The following ADD2 variants were observed in gnomAD, a reference collection of about 807,000 sequenced individuals.
The protein encoded by ADD2 is adducin 2, also known as beta-adducin.
Under a neutral mutation model 83.0 loss-of-function variants are expected in ADD2, and 23 were observed. That is an observed-to-expected ratio of 0.28 (90% CI 0.20 to 0.39). The LOEUF (loss-of-function observed/expected upper bound fraction) is 0.39, where lower values mean the gene tolerates loss of function less well. Among genes scored for constraint, ADD2 ranks in the 10% least tolerant of loss-of-function variants. ADD2 has a pLI of 1.00. For missense variants in ADD2, 758 were observed against 944.9 expected (o/e 0.80, Z 2.59); for synonymous variants, 375 against 375.4 (o/e 1.00, Z 0.01).
intron 11 of ADD2, among the ~76,000 whole-genome samples, chr2:70,678,307 T>C (rs1387823480): frequency 6.6e-6 from 1 of 152,232 alleles, no homozygotes; most frequent in African/African-American, 2.4e-5. Flanking sequence ...AGAGAAAATA[T>C]AACTTCATAG....
intron 1 of ADD2, among the ~76,000 whole-genome samples, chr2:70,754,779 CT>C (rs1427796205): frequency 1.3e-5 from 2 of 152,204 alleles, no homozygotes; most frequent in African/African-American, 4.8e-5. Context: ...AAGATCACCA[CT>C]TTCAATGTGT....
At chr2:70,704,263 T>TGGGCCCCCCCCCCCCCCCCCCC in intron 4 of ADD2, 58 bp downstream of exon 4, 82 of 913,200 alleles carry the variant, frequency 9.0e-5, no homozygotes, top group East Asian at 1.8e-4. Flanking sequence ...CTCCCTCTCT[T>TGGGCCCCCCCCCCCCCCCCCCC]CCCCACCCCA....
At chr2:70,671,969 G>C (rs925921112) in intron 15 of ADD2, among the ~76,000 whole-genome samples, 1 of 152,172 alleles carries the variant, frequency 6.6e-6, no homozygotes, top group Admixed American at 6.5e-5. Flanking sequence ...GCTCAGTAAA[G>C]ATACTTTTAT....
chr2:70,764,549 G>A (rs781818683), intron 1 of ADD2, among the ~76,000 whole-genome samples: 1 of 151,902 alleles, frequency 6.6e-6, no homozygotes, highest in Non-Finnish European at 1.5e-5. Context: ...AAAGGCAAAC[G>A]CAGACTCCAG....
chr2:70,761,549 A>T (rs1553384931), intron 1 of ADD2, among the ~76,000 whole-genome samples: 2 of 142,320 alleles, frequency 1.4e-5, no homozygotes, highest in African/African-American at 5.2e-5. Flanking sequence ...CAGAGGTTGC[A>T]GTGAGATGAG....
At chr2:70,679,024 A>C in intron 10 of ADD2, 63 bp from the exon 11 acceptor site, 1 of 1,510,758 alleles carries the variant, frequency 6.6e-7, no homozygotes, top group Non-Finnish European at 8.9e-7. Flanking sequence ...CTGCACATAC[A>C]TGCACACACA....
intron 4 of ADD2, 58 bp downstream of exon 4, chr2:70,704,263 T>TGCCCCCCCCCCCCCCCCCCCCCACC: frequency 1.1e-6 from 1 of 913,238 alleles, no homozygotes; most frequent in Non-Finnish European, 1.7e-6. Flanking sequence ...CTCCCTCTCT[T>TGCCCCCCCCCCCCCCCCCCCCCACC]CCCCACCCCA....
intron 15 of ADD2, 63 bp downstream of exon 15, chr2:70,672,815 G>A (rs1413428866): frequency 3.3e-6 from 5 of 1,527,214 alleles, no homozygotes; most frequent in Admixed American, 4.3e-5. Flanking sequence ...GGAAGGCAGG[G>A]CACCTTCCCA....
chr2:70,684,464 G>A (rs1553370195), intron 9 of ADD2, among the ~76,000 whole-genome samples: 1 of 152,136 alleles, frequency 6.6e-6, no homozygotes, highest in Admixed American at 6.5e-5. Context: ...GGCCAGGCTG[G>A]TCTCGAACCC....
In ADD2 at chr2:70,657,060, C is replaced by A; in HGVS notation, c.*6365G>T. 1 of 151,236 alleles carries A rather than the reference C, an allele frequency of 6.6e-6. No individual in the cohort carries two copies. Among genetic ancestry groups the A allele is most frequent in the African/African-American group, 2.4e-5 (1 of 41,084 alleles). The allele number at this position is 151,236 out of a possible 1,614,324, so 9.4% of individuals were successfully genotyped here. A position where few individuals can be genotyped will look rare whatever the true frequency, so the allele number is the denominator to read the frequency against. ...TATATAAAATTGCAAAATAAAAGCCCAAGAAACTAACCACCGATCTGCACG... is the reference window on the plus strand; with the variant it reads ...TATATAAAATTGCAAAATAAAAGCCAAAGAAACTAACCACCGATCTGCACG... On this transcript the variant is annotated 3_prime_UTR_variant, in exon 16 of 16. Coordinates refer to ENST00000264436, the MANE Select transcript of ADD2 (RefSeq NM_001617.4).
intron 1 of ADD2, among the ~76,000 whole-genome samples, chr2:70,752,811 C>T (rs1244129436): frequency 6.6e-6 from 1 of 152,152 alleles, no homozygotes; most frequent in Non-Finnish European, 1.5e-5. Flanking sequence ...AAAGTAAGAT[C>T]CGGAGACCAG....
chr2:70,763,042 T>C lies in ADD2; in HGVS notation c.-154+4844A>G, dbSNP rs80040165. ...TTGAGACTAACATCTTTTGTATTCT[T>C]TGACAGATCACTTAGGTACAAAGAA... On this transcript the variant is annotated intron_variant, in intron 1 of 15. Transcript: ENST00000264436. Among the ~76,000 whole-genome samples, 315 of 152,164 alleles carry C rather than the reference T, an allele frequency of 2.1e-3. 2 individuals are homozygous for C. In the East Asian group the frequency reaches 0.037, roughly 18 times the overall value.
chr2:70,669,004 C>T (rs1441747584), intron 15 of ADD2, among the ~76,000 whole-genome samples: 3 of 152,140 alleles, frequency 2.0e-5, no homozygotes, highest in African/African-American at 7.2e-5. Context: ...AGTGCCACAC[C>T]ATTGCATAGA....
chr2:70,698,864 C>T (rs2104355395), intron 4 of ADD2, among the ~76,000 whole-genome samples: 1 of 152,234 alleles, frequency 6.6e-6, no homozygotes, highest in East Asian at 1.9e-4. Flanking sequence ...TGAAAACTCA[C>T]CATGGTCCCT....
Position 70,677,834 on chromosome 2 carries a change from G to A in ADD2, c.1427C>T (p.Pro476Leu), listed in dbSNP as rs781951897. 7.4e-6 allele frequency: 12 copies of A among 1,614,110 alleles called. No homozygotes were observed. The East Asian group carries it at 8.9e-5, about 12-fold the overall frequency. Residue 476 changes from proline (P) to leucine (L), a missense_variant, in exon 12 of 16, where the codon CCG (proline) becomes CTG (leucine). This residue lies in a region of ADD2 where 394 missense variants were observed against 509.3 expected (regional missense o/e 0.77). Transcript: ENST00000264436. ...TTGGTTTGGGTTTTCGATGCGAATCGGCATGCCACTGCTGGATTTCTCCAC... is the reference window on the plus strand; with the variant it reads ...TTGGTTTGGGTTTTCGATGCGAATCAGCATGCCACTGCTGGATTTCTCCAC... ...DEVEKSSSGM[P>L]IRIENPNQFV...
At chr2:70,717,327 A>G (rs562732906) in intron 1 of ADD2, among the ~76,000 whole-genome samples, 2 of 152,302 alleles carry the variant, frequency 1.3e-5, no homozygotes, top group Non-Finnish European at 2.9e-5. Flanking sequence ...CCTTGTGGCT[A>G]TAAGAGAAAC....
At chr2:70,734,498 A>T (rs1673428136) in intron 1 of ADD2, among the ~76,000 whole-genome samples, 1 of 152,184 alleles carries the variant, frequency 6.6e-6, no homozygotes, top group Non-Finnish European at 1.5e-5. Flanking sequence ...CTCCCAGGTC[A>T]GGGCACTTAG....
At chr2:70,736,654 C>CAT (rs1406637982) in intron 1 of ADD2, among the ~76,000 whole-genome samples, 5 of 152,178 alleles carry the variant, frequency 3.3e-5, no homozygotes, top group Non-Finnish European at 7.3e-5. Flanking sequence ...TAGAACTTTT[C>CAT]ATATACTTTT....
chr2:70,675,010 C>A, intron 13 of ADD2, 185 bp from the exon 14 acceptor site: 1 of 1,340,224 alleles, frequency 7.5e-7, no homozygotes, highest in Non-Finnish European at 9.6e-7. Context: ...TGCTACCTTA[C>A]CCCTAGATTT....
Sources: allele counts gnomAD v4.1 joint callset (sites outside exome capture counted in the v4.1 genomes callset), GRCh38; gene constraint gnomAD v4.1.1; regional missense constraint gnomAD v4.1.1; transcripts MANE v1.5; gene names NCBI Gene and HGNC (gene_info 2026-07-23, HGNC 2026-07-21).